The following ASAP2 variants were observed in gnomAD, a reference collection of about 807,000 sequenced individuals.
ASAP2 encodes arf-GAP with SH3 domain, ANK repeat and PH domain-containing protein 2.
ASAP2 carries 45 observed loss-of-function variants against 131.4 expected under a neutral mutation model. The ratio of observed to expected loss-of-function variants is 0.34; its 90% CI spans 0.27 to 0.44. ASAP2 has a LOEUF of 0.44. ASAP2 is among the 20% of genes least tolerant of loss of function. The pLI, the probability that ASAP2 is intolerant of heterozygous loss-of-function variation, is 1.00. For synonymous variants in ASAP2, 510 were observed against 503.0 expected, an observed-to-expected ratio of 1.01 and a Z score of -0.19; for missense variants, 1,011 against 1,297.0, an observed-to-expected ratio of 0.78 and a Z score of 3.39.
chr2:9,344,668 T>C, intron 10 of ASAP2, 33 bp downstream of exon 10: 10 of 1,612,748 alleles, frequency 6.2e-6, no homozygotes, highest in South Asian at 1.1e-5. Context: ...AGTTTAAATG[T>C]ACGTTCGTTA....
chr2:9,317,511 A>T (rs955155270), intron 3 of ASAP2, among the ~76,000 whole-genome samples: 15 of 144,182 alleles, frequency 1.0e-4, no homozygotes, highest in Non-Finnish European at 1.5e-5. Flanking sequence ...TTACACCCCC[A>T]CAATCACACC....
chr2:9,218,058 A>G (rs1202742276), intron 1 of ASAP2, among the ~76,000 whole-genome samples: 4 of 152,170 alleles, frequency 2.6e-5, no homozygotes, highest in African/African-American at 4.8e-5. Flanking sequence ...CTATAGTGAC[A>G]TGCCTCCAGG....
chr2:9,284,086 C>T (rs1211273135), intron 2 of ASAP2, among the ~76,000 whole-genome samples: 2 of 152,180 alleles, frequency 1.3e-5, no homozygotes, highest in Non-Finnish European at 2.9e-5. Flanking sequence ...AGATAATCTC[C>T]CCATCTCAAG....
chr2:9,337,476 C>T (rs1321812171), intron 9 of ASAP2, among the ~76,000 whole-genome samples: 1 of 152,174 alleles, frequency 6.6e-6, no homozygotes, highest in Non-Finnish European at 1.5e-5. Context: ...GGATTTTCTT[C>T]TGTGACTTAG....
chr2:9,352,425 C>T (rs990965598), intron 12 of ASAP2, among the ~76,000 whole-genome samples: 3 of 152,188 alleles, frequency 2.0e-5, no homozygotes, highest in African/African-American at 7.2e-5. Flanking sequence ...CGTTAAAATG[C>T]CCATCCTTAA....
chr2:9,329,487 G>C (rs1236438576), intron 7 of ASAP2, among the ~76,000 whole-genome samples: 1 of 152,162 alleles, frequency 6.6e-6, no homozygotes, highest in East Asian at 1.9e-4. Flanking sequence ...TTTATGAAAA[G>C]GCAAAACAGT....
chr2:9,220,078 G>T (rs532548761), intron 1 of ASAP2, among the ~76,000 whole-genome samples: 2 of 152,180 alleles, frequency 1.3e-5, no homozygotes, highest in South Asian at 2.1e-4. Flanking sequence ...TATCAAATGT[G>T]TATGATACAT....
rs1286516241 is a variant in ASAP2 at position 9,299,676 on chromosome 2, C to T, written c.345+2231C>T. 3.9e-5 allele frequency among the ~76,000 whole-genome samples: 6 copies of T among 152,286 alleles called. No homozygotes were observed. The South Asian group carries it at 8.3e-4, about 21-fold the overall frequency. On this transcript the variant is annotated intron_variant, in intron 3 of 27. Coordinates refer to ENST00000281419, the MANE Select transcript of ASAP2 (RefSeq NM_003887.3). The stretch of plus-strand genomic sequence containing the variant: ...GCAGCCAGCCCAGGACGGCTGACGA[C>T]GTAGGAGACGGGTGGAGGCCCGGGT...
chr2:9,239,624 T>C (rs1663799732), intron 1 of ASAP2, among the ~76,000 whole-genome samples: 1 of 152,198 alleles, frequency 6.6e-6, no homozygotes, highest in South Asian at 2.1e-4. Flanking sequence ...TCCCCTAATA[T>C]TAACCGAGCA....
chr2:9,217,433 C>G lies in ASAP2; in HGVS notation c.126+10203C>G, dbSNP rs753272511. On this transcript the variant is annotated intron_variant, in intron 1 of 27. Transcript: ENST00000281419. The surrounding 1 kb of genome is among the most constrained non-coding windows in gnomAD (Gnocchi z 4.0). ...CTGCTAACAGTGTTAATAACGATGT[C>G]ATTTTTCCACTCCATGCTGAAGATG... Among the ~76,000 whole-genome samples, 3 of 152,160 alleles carry G rather than the reference C, an allele frequency of 2.0e-5. No homozygotes were observed. The highest frequency in any genetic ancestry group is 7.2e-5 in the African/African-American group (3 of 41,440).
At chr2:9,399,841 G>C in intron 24 of ASAP2, 182 bp from the exon 25 acceptor site, 1 of 631,238 alleles carries the variant, frequency 1.6e-6, no homozygotes, top group Non-Finnish European at 2.8e-6. Context: ...GTTGAATTTA[G>C]CACTTTCCTC....
At chr2:9,364,553 A>AAT (rs2148675478) in intron 15 of ASAP2, among the ~76,000 whole-genome samples, 1 of 152,294 alleles carries the variant, frequency 6.6e-6, no homozygotes, top group South Asian at 2.1e-4. Context: ...AGCATTACCA[A>AAT]ATATTTACTG....
chr2:9,228,977 C>CAGG (rs2148015497), intron 1 of ASAP2, among the ~76,000 whole-genome samples: 1 of 152,242 alleles, frequency 6.6e-6, no homozygotes, highest in African/African-American at 2.4e-5. Flanking sequence ...TCCGGTATCT[C>CAGG]AGGAGGGAGT....
rs1663275253 is a variant in ASAP2, at chr2:9,232,987, A to G, written c.126+25757A>G. Among the ~76,000 whole-genome samples the G allele has an allele frequency of 6.6e-6, 1 of 152,230 alleles. No homozygotes were observed. ...CTGTATCTATTGCCAGCAGGAATCC[A>G]AGGATTTCCTTTATTATTTCCAAAT... is the stretch of plus-strand genomic sequence containing the variant. On this transcript the variant is annotated intron_variant, in intron 1 of 27. Transcript: ENST00000281419. The surrounding 1 kb of genome is among the most constrained non-coding windows in gnomAD (Gnocchi z 4.1).
At chr2:9,354,580 C>T (rs1304655391) in intron 12 of ASAP2, among the ~76,000 whole-genome samples, 4 of 149,782 alleles carry the variant, frequency 2.7e-5, no homozygotes, top group African/African-American at 7.5e-5. Flanking sequence ...GAGGCTGCAG[C>T]GAGCTGTGCA....
rs115345393 is a variant in ASAP2 at position 9,375,086 on chromosome 2, A to G, written c.1746+142A>G. ...GGAGTTTGAGATCAGCCTGGGCACC[A>G]TAGGGAGGCCCCATCTCTACAAAAA... On this transcript the variant is annotated intron_variant, in intron 17 of 27. Transcript: ENST00000281419. The G allele has an allele frequency of 7.3e-3, 3,545 of 484,312 alleles. 112 individuals carry two copies. The highest frequency in any genetic ancestry group is 0.067 in the African/African-American group (3,208 of 47,848). The allele number at this position is 484,312 out of a possible 1,614,324, so 30.0% of individuals were successfully genotyped here. A position where few individuals can be genotyped will look rare whatever the true frequency, so the allele number is the denominator to read the frequency against.
At chr2:9,253,319 A>T (rs1474537917) in intron 1 of ASAP2, among the ~76,000 whole-genome samples, 1 of 152,032 alleles carries the variant, frequency 6.6e-6, no homozygotes, top group Non-Finnish European at 1.5e-5. Flanking sequence ...GCCCGCCACC[A>T]CACCTGGCTA....
At chr2:9,372,108 TTCTC>T (rs757877632) in intron 16 of ASAP2, among the ~76,000 whole-genome samples, 35 of 152,194 alleles carry the variant, frequency 2.3e-4, no homozygotes, top group Admixed American at 5.2e-4. Flanking sequence ...GAAGTCCACT[TTCTC>T]TCTATCCCTT....
chr2:9,234,862 A>G (rs1007915937), intron 1 of ASAP2, among the ~76,000 whole-genome samples: 1 of 152,104 alleles, frequency 6.6e-6, no homozygotes, highest in Non-Finnish European at 1.5e-5. Context: ...CTCTTTAGAA[A>G]TGTTCTCCCA....
Sources: allele counts gnomAD v4.1 joint callset (sites outside exome capture counted in the v4.1 genomes callset), GRCh38; gene constraint gnomAD v4.1.1; non-coding constraint Gnocchi (gnomAD v3.1); transcripts MANE v1.5; gene names NCBI Gene and HGNC (gene_info 2026-07-23, HGNC 2026-07-21).